The following NUP214 variants were observed in gnomAD, a reference collection of about 807,000 sequenced individuals.
The protein encoded by NUP214 is nucleoporin 214, also known as nuclear pore complex protein Nup214.
A neutral mutation model predicts 196.2 loss-of-function variants in NUP214; 79 were observed. The observed-to-expected ratio is 0.40, with a 90% CI of 0.34 to 0.49. The LOEUF is 0.49. Ranked by LOEUF, NUP214 falls within the 20% of genes least tolerant of loss-of-function variation. The probability of loss-of-function intolerance (pLI) is 0.58; values close to 1 mark genes in which losing one functional copy is unlikely to be tolerated. For missense variants in NUP214, 2,468 were observed against 2,539.0 expected (o/e 0.97, Z 0.60); for synonymous variants, 1,020 against 990.5 (o/e 1.03, Z -0.56).
chr9:131,137,816 G>T (rs949838620), intron 9 of NUP214, among the ~76,000 whole-genome samples: 1 of 152,172 alleles, frequency 6.6e-6, no homozygotes, highest in African/African-American at 2.4e-5. Context: ...CTCCCAAAGT[G>T]CTGGGATTAC....
chr9:131,223,553 ACACAT>A (rs1367917258), intron 32 of NUP214, among the ~76,000 whole-genome samples: 1 of 151,710 alleles, frequency 6.6e-6, no homozygotes, highest in Non-Finnish European at 1.5e-5. Context: ...AAATAAAGGA[ACACAT>A]AAGGAAATGA....
In NUP214 at chr9:131,230,685, C is replaced by G; in HGVS notation, c.6130C>G (p.Pro2044Ala). The G allele has an allele frequency of 6.2e-7, 1 of 1,614,110 alleles. No homozygotes were observed. The highest frequency in any genetic ancestry group is 8.5e-7 in the Non-Finnish European group (1 of 1,180,004). ...CGGCACGCTCGCGAGTCAGAATGCC[C>G]CCACTTTCGGATCACTGTCCCAACA... ...SFGTLASQNAPTFGSLSQQTS... is the reference protein window; with the variant it reads ...SFGTLASQNAATFGSLSQQTS... The change falls in exon 34 of 36, where the codon CCC becomes GCC. Residue 2044 changes from proline to alanine, a missense_variant. Physicochemically the swap from Pro to Ala is conservative, Grantham distance 27. Coordinates refer to ENST00000359428, the MANE Select transcript of NUP214 (RefSeq NM_005085.4).
chr9:131,216,598 T>C (rs1241510338), intron 31 of NUP214, among the ~76,000 whole-genome samples: 4 of 148,096 alleles, frequency 2.7e-5, no homozygotes, highest in Non-Finnish European at 5.9e-5. Context: ...AGTGGTGCAA[T>C]CTCGGCTCAC....
At chr9:131,136,141 A>G in intron 9 of NUP214, 135 bp downstream of exon 9, 1 of 679,742 alleles carries the variant, frequency 1.5e-6, no homozygotes, top group Non-Finnish European at 2.4e-6. Flanking sequence ...TCCAAGTTCA[A>G]GCAATTTTGT....
intron 21 of NUP214, among the ~76,000 whole-genome samples, chr9:131,168,194 G>A (rs901266058): frequency 2.0e-5 from 3 of 152,168 alleles, no homozygotes; most frequent in Non-Finnish European, 4.4e-5. Context: ...CCAGCCTGGT[G>A]AGCAGAAGTT....
chr9:131,151,777 T>C lies in NUP214; in HGVS notation c.2319T>C (p.Leu773=). The C allele has an allele frequency of 6.2e-7, 1 of 1,613,476 alleles. No individual in the cohort carries two copies. The highest frequency in any genetic ancestry group is 8.5e-7 in the Non-Finnish European group (1 of 1,179,888). Residue 773 remains leucine (L), a synonymous_variant, in exon 17 of 36, where the codon CTT becomes CTC. Transcript: ENST00000359428. ...TAAGTAGCCTGAAAACAACTTTACTTGAGGGCTTTGCTGGTGTTGAGGAAG... is the reference window on the plus strand; with the variant it reads ...TAAGTAGCCTGAAAACAACTTTACTCGAGGGCTTTGCTGGTGTTGAGGAAG... ...GDISSLKTTL[L]EGFAGVEEAR...
At position 131,198,164 on chromosome 9, in the gene NUP214, G is replaced by A. The variant is rs765511821; in HGVS notation, c.4670G>A (p.Ser1557Asn). Residue 1557 changes from serine (S) to asparagine (N), a missense_variant, in exon 29 of 36, where the codon AGT (serine) becomes AAT (asparagine). Coordinates refer to ENST00000359428, the MANE Select transcript of NUP214 (RefSeq NM_005085.4). ...AVSNSGTAASSTSLVALSAEA... is the reference protein window; with the variant it reads ...AVSNSGTAASNTSLVALSAEA... Reference sequence around the variant, plus strand: ...AGCAACTCTGGCACTGCAGCATCTAGTACTAGTCTTGTAGCACTTTCTGCA... The same window carrying A: ...AGCAACTCTGGCACTGCAGCATCTAATACTAGTCTTGTAGCACTTTCTGCA... The A allele has an allele frequency of 3.1e-6, 5 of 1,614,194 alleles. No individual in the cohort carries two copies. Among genetic ancestry groups the A allele is most frequent in the Middle Eastern group, 1.6e-4 (1 of 6,062 alleles).
chr9:131,128,434 A>T lies in NUP214; in HGVS notation c.344A>T (p.Glu115Val). 1 of 1,613,812 alleles carries T rather than the reference A, an allele frequency of 6.2e-7. No homozygotes were observed. Among genetic ancestry groups the T allele is most frequent in the Non-Finnish European group, 8.5e-7 (1 of 1,179,766 alleles). The change falls in exon 3 of 36, where the codon GAA (glutamate) becomes GTA (valine). Residue 115 changes from glutamate to valine, a missense_variant. Glu to Val is a moderately radical substitution (Grantham distance 121). Transcript: ENST00000359428. ...CTCTCTGCGTGCATGATGTCCAGTG[A>T]ATATGGTTCCATTATTGCTTTTTTT... Reference protein sequence around the residue: ...LTLSACMMSSEYGSIIAFFDV... With the variant: ...LTLSACMMSSVYGSIIAFFDV...
At chr9:131,208,651 C>T (rs896413528) in intron 30 of NUP214, among the ~76,000 whole-genome samples, 2 of 151,530 alleles carry the variant, frequency 1.3e-5, no homozygotes, top group Non-Finnish European at 2.9e-5. Flanking sequence ...GAGCCGAGAT[C>T]GCGCCACTGC....
intron 25 of NUP214, 40 bp downstream of exon 25, chr9:131,187,404 T>G: frequency 3.2e-6 from 4 of 1,269,014 alleles, no homozygotes; most frequent in Non-Finnish European, 4.4e-6. Flanking sequence ...TTTTTTTTTT[T>G]GAGACAGAGT....
intron 11 of NUP214, among the ~76,000 whole-genome samples, chr9:131,142,731 A>T (rs1202638784): frequency 6.6e-6 from 1 of 152,254 alleles, no homozygotes; most frequent in African/African-American, 2.4e-5. Flanking sequence ...TTAACAGAAT[A>T]GGTTTGCTTG....
intron 31 of NUP214, among the ~76,000 whole-genome samples, chr9:131,216,542 C>CTTTTTTTTT (rs914407047): frequency 9.4e-6 from 1 of 105,920 alleles, no homozygotes. Flanking sequence ...TTTTTTTTTC[C>CTTTTTTTTT]TTTTTTTTGA....
intron 26 of NUP214, chr9:131,190,253 A>G: frequency 2.1e-6 from 1 of 487,490 alleles, no homozygotes; most frequent in Non-Finnish European, 3.6e-6. Flanking sequence ...AGACTTGAGT[A>G]TTTTACAAAA....
Position 131,144,286 on chromosome 9 carries a change from C to T in NUP214, c.1301C>T (p.Thr434Ile). Residue 434 changes from threonine to isoleucine, a missense_variant, in exon 12 of 36, where the codon ACT becomes ATT. By Grantham distance (89) the Thr-to-Ile change is moderately conservative. This residue lies in a region of NUP214 where 1,801 missense variants were observed against 1,779.4 expected (regional missense o/e 1.01). Transcript: ENST00000359428. ...GERQPKSPGS[T>I]PTTPTSSQAP... ...CCTTTTTTTGTCACTGCAGGAAGTA[C>T]TCCCACTACCCCAACCTCCTCTCAA... 1.2e-6 allele frequency: 2 copies of T among 1,612,508 alleles called. No homozygotes were observed. Among genetic ancestry groups the T allele is most frequent in the Non-Finnish European group, 1.7e-6 (2 of 1,179,134 alleles).
In NUP214 at chr9:131,198,642, A is replaced by T. The variant is rs754211143; in HGVS notation, c.5148A>T (p.Thr1716=). 6.2e-7 allele frequency: 1 copy of T among 1,614,246 alleles called. No homozygotes were observed. The highest frequency in any genetic ancestry group is 1.3e-5 in the African/African-American group (1 of 75,058). ...SGFSSPAFGT[T]APGVFGQTTF... is the part of the protein sequence containing the mutation. ...TTAGCAGCCCAGCTTTTGGTACCAC[A>T]GCCCCAGGGGTCTTTGGACAGACAA... Residue 1716 remains threonine (T), a synonymous_variant, in exon 29 of 36, where the codon ACA becomes ACT. Transcript: ENST00000359428.
chr9:131,233,456 C>T lies in NUP214; in HGVS notation c.6242C>T (p.Ser2081Phe). 1 of 1,611,402 alleles carries T rather than the reference C, an allele frequency of 6.2e-7. No homozygotes were observed. The highest frequency in any genetic ancestry group is 8.5e-7 in the Non-Finnish European group (1 of 1,178,532). ...CACTGTCCTGTGCTTCCTTGCAGGTCTGTCCAGGGTTTTGGTGGCTGGCGA... is the reference window on the plus strand; with the variant it reads ...CACTGTCCTGTGCTTCCTTGCAGGTTTGTCCAGGGTTTTGGTGGCTGGCGA... Reference protein sequence around the residue: ...GGFSFGSNNSSVQGFGGWRS With the variant: ...GGFSFGSNNSFVQGFGGWRS The change falls in exon 36 of 36, where the codon TCT (serine) becomes TTT (phenylalanine). Residue 2081 changes from serine to phenylalanine, a missense_variant and splice_region_variant. Transcript: ENST00000359428.
intron 18 of NUP214, chr9:131,162,785 A>G: frequency 1.8e-6 from 1 of 569,888 alleles, no homozygotes; most frequent in Non-Finnish European, 3.1e-6. Flanking sequence ...GCCTGTTTCC[A>G]GCTGTTTTCT....
At chr9:131,219,875 C>G (rs975112995) in intron 31 of NUP214, among the ~76,000 whole-genome samples, 3 of 152,194 alleles carry the variant, frequency 2.0e-5, no homozygotes, top group East Asian at 1.9e-4. Flanking sequence ...GAGACCCTTT[C>G]GGAGTATGCA....
rs1177069916 is a variant in NUP214 at position 131,125,669 on chromosome 9, C to T, written c.-36C>T. The T allele has an allele frequency of 6.5e-7, 1 of 1,546,368 alleles. No individual in the cohort carries two copies. Among genetic ancestry groups the T allele is most frequent in the South Asian group, 1.2e-5 (1 of 83,696 alleles). ...GTTCCGTGGGCAAGGCCGTGGGAGG[C>T]AGCGTTGGCTGCTTCGACACACTGA... On this transcript the variant is annotated 5_prime_UTR_variant, in exon 1 of 36. Coordinates refer to ENST00000359428, the MANE Select transcript of NUP214 (RefSeq NM_005085.4). This position sits in a 1 kb window ranked among gnomAD's most constrained non-coding sequence, Gnocchi z 4.1.
Sources: gnomAD v4.1 joint callset for allele counts (sites outside exome capture counted in the v4.1 genomes callset) on GRCh38, gnomAD v4.1.1 for gene constraint, gnomAD v4.1.1 regional missense constraint, Gnocchi (gnomAD v3.1) non-coding constraint, MANE v1.5 for transcripts, NCBI Gene and HGNC (gene_info 2026-07-23, HGNC 2026-07-21) for gene names.